Variants in ATF6 observed in about 807,000 individuals in gnomAD.
ATF6 encodes activating transcription factor 6.
ATF6 carries 53 observed loss-of-function variants against 83.6 expected under a neutral mutation model. The ratio of observed to expected loss-of-function variants is 0.63; its 90% confidence interval spans 0.51 to 0.80. The LOEUF (loss-of-function observed/expected upper bound fraction) is 0.80, where lower values mean the gene tolerates loss of function less well. ATF6 is among the 30% of genes least tolerant of loss of function. The pLI is 0.00. For synonymous variants in ATF6, 288 were observed against 285.8 expected, an observed-to-expected ratio of 1.01 and a Z score of -0.08; for missense variants, 744 against 797.9, an observed-to-expected ratio of 0.93 and a Z score of 0.81.
At position 161,954,325 on chromosome 1, in the gene ATF6, T is replaced by G. The variant is rs112896977; in HGVS notation, c.1805-4121T>G. Among the ~76,000 whole-genome samples the G allele has an allele frequency of 9.9e-3, 1,513 of 152,278 alleles. 8 individuals are homozygous for G. The highest frequency in any genetic ancestry group is 0.017 in the South Asian group (82 of 4,818). ...ATGAGTGAGTGGATATTTATTTACCTTCCATGCCTCCACACTTGTGTACCC... is the reference window on the plus strand; with the variant it reads ...ATGAGTGAGTGGATATTTATTTACCGTCCATGCCTCCACACTTGTGTACCC... On this transcript the variant is annotated intron_variant, in intron 15 of 15. Coordinates refer to ENST00000367942, the MANE Select transcript of ATF6 (RefSeq NM_007348.4).
chr1:161,850,668 T>C (rs867850581), intron 10 of ATF6, among the ~76,000 whole-genome samples: 6 of 152,194 alleles, frequency 3.9e-5, no homozygotes, highest in Non-Finnish European at 8.8e-5. Context: ...TGGTGCACAG[T>C]TGGTATGCAG....
At position 161,893,230 on chromosome 1, in the gene ATF6, G is replaced by A. The variant is rs370498950; in HGVS notation, c.1720-19066G>A. Among the ~76,000 whole-genome samples the A allele has an allele frequency of 1.4e-4, 21 of 151,624 alleles. No homozygotes were observed. In the East Asian group the frequency reaches 3.1e-3, roughly 23 times the overall value. On this transcript the variant is annotated intron_variant, in intron 14 of 15. Coordinates refer to ENST00000367942, the MANE Select transcript of ATF6 (RefSeq NM_007348.4). ...TGACCAGGCTGGAGTGCAGTGGTGCGATCTCGACTCACTGCAGCCTCCACC... is the reference window on the plus strand; with the variant it reads ...TGACCAGGCTGGAGTGCAGTGGTGCAATCTCGACTCACTGCAGCCTCCACC...
At chr1:161,843,811 A>T (rs558068194) in intron 9 of ATF6, among the ~76,000 whole-genome samples, 2 of 152,324 alleles carry the variant, frequency 1.3e-5, no homozygotes, top group African/African-American at 4.8e-5. Context: ...ATAACAACTC[A>T]GTACAGGATA....
Position 161,958,736 on chromosome 1 carries a change from T to C in ATF6, c.*82T>C, listed in dbSNP as rs760915672. ...GTGAGCAAAATGCTGCTTTCTGCCT[T>C]GGTGGCAGGCAGAGAACTGTCTCGT... is the stretch of plus-strand genomic sequence containing the variant. On this transcript the variant is annotated 3_prime_UTR_variant, in exon 16 of 16. Transcript: ENST00000367942. 4 of 1,199,396 alleles carry C rather than the reference T, an allele frequency of 3.3e-6. No individual in the cohort carries two copies. Among genetic ancestry groups the C allele is most frequent in the Non-Finnish European group, 4.6e-6 (4 of 863,610 alleles). The allele number at this position is 1,199,396 out of a possible 1,614,324, so 74.3% of individuals were successfully genotyped here. A position where few individuals can be genotyped will look rare whatever the true frequency, so the allele number is the denominator to read the frequency against.
chr1:161,809,729 C>T (rs1252075082), intron 7 of ATF6, among the ~76,000 whole-genome samples: 1 of 152,152 alleles, frequency 6.6e-6, no homozygotes, highest in Non-Finnish European at 1.5e-5. Flanking sequence ...TAATGATTGC[C>T]ATTCTAACTG....
intron 14 of ATF6, among the ~76,000 whole-genome samples, chr1:161,873,361 TA>T (rs1444291085): frequency 6.6e-6 from 1 of 151,596 alleles, no homozygotes; most frequent in Admixed American, 6.6e-5. Flanking sequence ...AAATTTGGTA[TA>T]ACCTTTCTTA....
intron 6 of ATF6, among the ~76,000 whole-genome samples, chr1:161,796,097 T>C (rs1685013129): frequency 6.6e-6 from 1 of 152,216 alleles, no homozygotes; most frequent in Non-Finnish European, 1.5e-5. Context: ...CTTTGTGTGA[T>C]GCGGTCGTCT....
intron 15 of ATF6, among the ~76,000 whole-genome samples, chr1:161,933,799 T>G (rs1688481306): frequency 6.6e-6 from 1 of 152,188 alleles, no homozygotes; most frequent in Non-Finnish European, 1.5e-5. Flanking sequence ...CCCTTAACCT[T>G]CCACTCCAGC....
At chr1:161,790,609 A>G (rs1258055925) in intron 4 of ATF6, among the ~76,000 whole-genome samples, 1 of 152,132 alleles carries the variant, frequency 6.6e-6, no homozygotes, top group African/African-American at 2.4e-5. Flanking sequence ...CAGGAGTTTT[A>G]GAGCAGCCCA....
intron 1 of ATF6, among the ~76,000 whole-genome samples, chr1:161,772,882 C>T (rs746763828): frequency 1.3e-5 from 2 of 151,608 alleles, no homozygotes; most frequent in Admixed American, 6.6e-5. Context: ...AAAATGTCCA[C>T]GTTCACTGAC....
chr1:161,846,674 C>A, intron 10 of ATF6, 94 bp downstream of exon 10: 1 of 1,281,852 alleles, frequency 7.8e-7, no homozygotes, highest in Admixed American at 2.8e-5. Context: ...CTAAATTGTT[C>A]GTGTATATTT....
At chr1:161,836,267 G>A (rs773029091) in intron 9 of ATF6, among the ~76,000 whole-genome samples, 3 of 151,912 alleles carry the variant, frequency 2.0e-5, no homozygotes, top group Non-Finnish European at 4.4e-5. Context: ...CCAATTTTTT[G>A]TTGTTGTTGT....
chr1:161,926,272 C>G (rs1388413046), intron 15 of ATF6, among the ~76,000 whole-genome samples: 1 of 152,200 alleles, frequency 6.6e-6, no homozygotes, highest in East Asian at 1.9e-4. Context: ...TAACAAATTA[C>G]TCCAAAACCT....
chr1:161,789,257 T>A (rs1684825057), intron 4 of ATF6, among the ~76,000 whole-genome samples: 1 of 142,206 alleles, frequency 7.0e-6, no homozygotes, highest in African/African-American at 2.7e-5. Context: ...TTCTCCTTTT[T>A]TTTTTTTTTT....
At chr1:161,893,026 T>C (rs530440181) in intron 14 of ATF6, among the ~76,000 whole-genome samples, 1 of 152,322 alleles carries the variant, frequency 6.6e-6, no homozygotes, top group South Asian at 2.1e-4. Flanking sequence ...CAGTAAGCTA[T>C]ATGGTTGGTA....
At chr1:161,868,460 T>G (rs1196842061) in intron 14 of ATF6, among the ~76,000 whole-genome samples, 1 of 152,146 alleles carries the variant, frequency 6.6e-6, no homozygotes, top group Non-Finnish European at 1.5e-5. Context: ...CCTAATTGTT[T>G]GATCTAAAAG....
At chr1:161,812,343 T>A (rs1453835146) in intron 7 of ATF6, among the ~76,000 whole-genome samples, 1 of 143,748 alleles carries the variant, frequency 7.0e-6, no homozygotes, top group African/African-American at 2.6e-5. Flanking sequence ...AATCTGAAAA[T>A]GGGAGCTGGA....
chr1:161,827,647 TG>T (rs1685935567), intron 9 of ATF6, among the ~76,000 whole-genome samples: 1 of 141,598 alleles, frequency 7.1e-6, no homozygotes, highest in South Asian at 2.2e-4. Context: ...ATGGGCCAAA[TG>T]AAAAAAAAAA....
At chr1:161,780,413 G>T (rs1483930951) in intron 2 of ATF6, among the ~76,000 whole-genome samples, 6 of 149,078 alleles carry the variant, frequency 4.0e-5, no homozygotes, top group African/African-American at 1.5e-4. Flanking sequence ...TTGCTCTGTC[G>T]CCCAGGCTGG....
Sources: allele counts gnomAD v4.1 joint callset (sites outside exome capture counted in the v4.1 genomes callset), GRCh38; gene constraint gnomAD v4.1.1; transcripts MANE v1.5; gene names NCBI Gene and HGNC (gene_info 2026-07-23, HGNC 2026-07-21).